Variants in EXT2 observed in about 807,000 individuals in gnomAD.
The protein encoded by EXT2 is exostosin-2.
In EXT2, 53 loss-of-function variants were observed where a neutral mutation model predicts 81.6. That is an observed-to-expected ratio of 0.65 (90% CI 0.52 to 0.82). The LOEUF is 0.82. Among genes scored for constraint, EXT2 ranks in the 40% least tolerant of loss-of-function variants. EXT2 has a pLI of 0.00. For missense variants in EXT2, 774 were observed against 910.2 expected, an observed-to-expected ratio of 0.85 and a Z score of 1.93; for synonymous variants, 320 against 340.0, an observed-to-expected ratio of 0.94 and a Z score of 0.65.
intron 7 of EXT2, among the ~76,000 whole-genome samples, chr11:44,162,129 T>G (rs943055711): frequency 6.6e-6 from 1 of 152,204 alleles, no homozygotes; most frequent in African/African-American, 2.4e-5. Context: ...TGTACCAATG[T>G]TAACCTCTTG....
intron 9 of EXT2, among the ~76,000 whole-genome samples, chr11:44,203,969 A>G (rs1359819094): frequency 1.3e-5 from 2 of 152,220 alleles, no homozygotes; most frequent in African/African-American, 4.8e-5. Flanking sequence ...TAAGTGGCAC[A>G]CTTAGTTTCT....
At chr11:44,125,128 A>G in intron 5 of EXT2, 144 bp downstream of exon 5, 1 of 796,496 alleles carries the variant, frequency 1.3e-6, no homozygotes, top group Non-Finnish European at 2.1e-6. Context: ...TCTTTACTGG[A>G]CATGTAGACC....
intron 8 of EXT2, chr11:44,172,033 G>A (rs1955082634): frequency 2.2e-6 from 1 of 449,356 alleles, no homozygotes; most frequent in African/African-American, 2.0e-5. Context: ...AGACATCCCG[G>A]TGACTTTTGC....
intron 1 of EXT2, among the ~76,000 whole-genome samples, chr11:44,105,753 T>C (rs766670369): frequency 6.6e-6 from 1 of 152,226 alleles, no homozygotes; most frequent in Non-Finnish European, 1.5e-5. Context: ...GTAAGGATCT[T>C]AAAATGTGGT....
chr11:44,179,348 T>C (rs1033436135), intron 8 of EXT2, among the ~76,000 whole-genome samples: 1 of 152,246 alleles, frequency 6.6e-6, no homozygotes, highest in African/African-American at 2.4e-5. Flanking sequence ...CATTGTTTCC[T>C]TAGATGCAGT....
chr11:44,223,613 G>T (rs1564983062), intron 10 of EXT2, among the ~76,000 whole-genome samples: 1 of 151,472 alleles, frequency 6.6e-6, no homozygotes, highest in Admixed American at 6.6e-5. Flanking sequence ...ATGGGTGCTT[G>T]CCAGGAGTCA....
chr11:44,232,575 T>A, intron 11 of EXT2, 79 bp downstream of exon 11: 1 of 1,563,526 alleles, frequency 6.4e-7, no homozygotes, highest in Non-Finnish European at 8.7e-7. Context: ...TAATTTTTCA[T>A]ACCTGCCAAG....
At chr11:44,129,199 T>G (rs953966881) in intron 6 of EXT2, among the ~76,000 whole-genome samples, 18 of 152,220 alleles carry the variant, frequency 1.2e-4, no homozygotes, top group Non-Finnish European at 2.2e-4. Context: ...GCTCCTGTCC[T>G]TGCTTTCCTG....
At chr11:44,123,456 T>C (rs1954348262) in intron 4 of EXT2, among the ~76,000 whole-genome samples, 1 of 152,232 alleles carries the variant, frequency 6.6e-6, no homozygotes, top group Admixed American at 6.5e-5. Flanking sequence ...GTTTCATTTC[T>C]TCCTGGAACA....
intron 10 of EXT2, among the ~76,000 whole-genome samples, chr11:44,207,808 T>C (rs140477409): frequency 0.017 from 2,521 of 152,292 alleles, 70 homozygotes; most frequent in African/African-American, 0.056. Flanking sequence ...GAAATACATT[T>C]TTAAACACTT....
chr11:44,183,628 A>G (rs977630813), intron 8 of EXT2, among the ~76,000 whole-genome samples: 1 of 150,832 alleles, frequency 6.6e-6, no homozygotes, highest in African/African-American at 2.4e-5. Context: ...TGTTTCGTTC[A>G]TCAGGTTTTC....
At chr11:44,178,030 G>C (rs867742761) in intron 8 of EXT2, among the ~76,000 whole-genome samples, 1 of 152,208 alleles carries the variant, frequency 6.6e-6, no homozygotes, top group Non-Finnish European at 1.5e-5. Context: ...CCTCAGTCTA[G>C]CTCTAGTTTT....
chr11:44,117,945 G>A (rs1238612651), intron 4 of EXT2, among the ~76,000 whole-genome samples: 1 of 152,064 alleles, frequency 6.6e-6, no homozygotes, highest in East Asian at 1.9e-4. Flanking sequence ...ATAGAGATGG[G>A]TTCTTGTGAT....
At position 44,206,824 on chromosome 11, in the gene EXT2, A is replaced by G. The variant is rs145649534; in HGVS notation, c.1527A>G (p.Leu509=). 8.7e-5 allele frequency: 140 copies of G among 1,614,058 alleles called. No homozygotes were observed. In the African/African-American group the frequency reaches 1.2e-3, roughly 14 times the overall value. Reference sequence around the variant, plus strand: ...TCTGGCCCAAAATCCGGGTTCCATTAAAAGTTGTGAGGACTGCTGAAAACA... The same window carrying G: ...TCTGGCCCAAAATCCGGGTTCCATTGAAAGTTGTGAGGACTGCTGAAAACA... The part of the protein sequence containing the change: ...DSLWPKIRVP[L]KVVRTAENKL... Residue 509 remains leucine (L), a synonymous_variant, in exon 10 of 14, where the codon TTA becomes TTG. Transcript: ENST00000533608.
chr11:44,179,599 T>A (rs1009936743), intron 8 of EXT2, among the ~76,000 whole-genome samples: 1 of 152,210 alleles, frequency 6.6e-6, no homozygotes, highest in South Asian at 2.1e-4. Context: ...TTTCCCCTTT[T>A]TTCAGGGGCC....
intron 4 of EXT2, among the ~76,000 whole-genome samples, chr11:44,121,182 C>G (rs975278769): frequency 2.6e-5 from 4 of 152,162 alleles, no homozygotes; most frequent in Admixed American, 1.3e-4. Context: ...AGTAAGGTAG[C>G]CTGGTGCTAC....
chr11:44,226,693 T>G (rs1344012595), intron 10 of EXT2, among the ~76,000 whole-genome samples: 5 of 152,206 alleles, frequency 3.3e-5, no homozygotes, highest in Non-Finnish European at 1.5e-5. Context: ...GCTGCCCCTT[T>G]CCCATCTGGG....
intron 4 of EXT2, among the ~76,000 whole-genome samples, chr11:44,121,570 G>GC (rs1304816064): frequency 2.0e-5 from 3 of 151,210 alleles, no homozygotes; most frequent in Non-Finnish European, 4.4e-5. Flanking sequence ...AACTTCTGTT[G>GC]CCCCCCTGCC....
intron 1 of EXT2, among the ~76,000 whole-genome samples, chr11:44,103,965 AT>A (rs1331995965): frequency 6.6e-6 from 1 of 152,016 alleles, no homozygotes; most frequent in Non-Finnish European, 1.5e-5. Context: ...CTTGTTGACC[AT>A]TTCTATTTTG....
Sources: gnomAD v4.1 joint callset for allele counts (sites outside exome capture counted in the v4.1 genomes callset) on GRCh38, gnomAD v4.1.1 for gene constraint, MANE v1.5 for transcripts, NCBI Gene and HGNC (gene_info 2026-07-23, HGNC 2026-07-21) for gene names.